The following ARHGEF33 variants were observed in gnomAD, a reference collection of about 807,000 sequenced individuals.
ARHGEF33 encodes the protein DH and coiled-coil domain-containing protein ENSP00000381780.
Under a neutral mutation model 101.9 loss-of-function variants are expected in ARHGEF33, and 72 were observed. The ratio of observed to expected loss-of-function variants is 0.71; its 90% CI spans 0.58 to 0.86. ARHGEF33 has a LOEUF of 0.86. Ranked by LOEUF, ARHGEF33 falls within the 40% of genes least tolerant of loss-of-function variation. The pLI, the probability that ARHGEF33 is intolerant of heterozygous loss-of-function variation, is 0.00. For missense variants in ARHGEF33, 1,169 were observed against 1,111.3 expected, an observed-to-expected ratio of 1.05 and a Z score of -0.74; for synonymous variants, 499 against 442.5, an observed-to-expected ratio of 1.13 and a Z score of -1.60.
At position 38,936,019 on chromosome 2, in the gene ARHGEF33, G is replaced by A. The variant is rs75789495; in HGVS notation, c.565+185G>A. 8.9e-3 allele frequency among the ~76,000 whole-genome samples: 1,356 copies of A among 152,310 alleles called. 20 individuals carry two copies. The highest frequency in any genetic ancestry group is 0.031 in the African/African-American group (1,300 of 41,560). ...CAGGTCAGTGACTCATTTGAACCAA[G>A]GAGAGAGAAGGGCTAGGGAAGCTTA... On this transcript the variant is annotated intron_variant, in intron 8 of 17. Coordinates refer to ENST00000409978, the MANE Select transcript of ARHGEF33 (RefSeq NM_001145451.5).
intron 2 of ARHGEF33, among the ~76,000 whole-genome samples, chr2:38,899,743 G>A (rs1425300776): frequency 6.6e-6 from 1 of 152,062 alleles, no homozygotes. Flanking sequence ...TAAGGTGACA[G>A]GTAGGCTAAT....
intron 2 of ARHGEF33, among the ~76,000 whole-genome samples, chr2:38,899,362 A>T (rs964319756): frequency 5.3e-5 from 8 of 152,224 alleles, no homozygotes; most frequent in African/African-American, 1.9e-4. Context: ...TAAAATTGCT[A>T]CTATAAGGAG....
chr2:38,961,640 C>G (rs1435192802), intron 16 of ARHGEF33, among the ~76,000 whole-genome samples: 1 of 152,124 alleles, frequency 6.6e-6, no homozygotes, highest in African/African-American at 2.4e-5. Flanking sequence ...GAGTTCTTGT[C>G]TTGTACCAGG....
At chr2:38,914,190 C>G (rs1255489584) in intron 2 of ARHGEF33, among the ~76,000 whole-genome samples, 1 of 152,118 alleles carries the variant, frequency 6.6e-6, no homozygotes, top group Non-Finnish European at 1.5e-5. Flanking sequence ...TGGAAAGCAG[C>G]CTAGCCACAT....
chr2:38,942,900 T>A (rs117829198), intron 9 of ARHGEF33, among the ~76,000 whole-genome samples: 1 of 152,198 alleles, frequency 6.6e-6, no homozygotes, highest in Non-Finnish European at 1.5e-5. Context: ...GACAGGCTAA[T>A]CAGATGGCAA....
At chr2:38,957,902 A>T in intron 14 of ARHGEF33, 132 bp from the exon 15 acceptor site, 1 of 1,101,798 alleles carries the variant, frequency 9.1e-7, no homozygotes, top group South Asian at 1.6e-5. Context: ...TAGTTTGCAA[A>T]GGCCCCTGGA....
intron 2 of ARHGEF33, among the ~76,000 whole-genome samples, chr2:38,909,509 T>A (rs1207927051): frequency 6.7e-6 from 1 of 149,814 alleles, no homozygotes; most frequent in Non-Finnish European, 1.5e-5. Flanking sequence ...TTTTTTTTTT[T>A]TGTATTTTTT....
At position 38,960,450 on chromosome 2, in the gene ARHGEF33, G is replaced by T. The variant is rs150537996; in HGVS notation, c.2145G>T (p.Ala715=). The change falls in exon 16 of 18, where the codon GCG becomes GCT. Residue 715 remains alanine, a synonymous_variant. Transcript: ENST00000409978. ...GCTCTCTCAAAGAGTTCCCGCGTGC[G>T]CCGCCAGCCGACGGCGTGGCCCCAC... ...LSRSLKEFPR[A]PPADGVAPRL... The T allele has an allele frequency of 4.0e-6, 6 of 1,494,044 alleles. No homozygotes were observed. In the South Asian group the frequency reaches 5.1e-5, roughly 13 times the overall value. The allele number at this position is 1,494,044 out of a possible 1,614,324, so 92.5% of individuals were successfully genotyped here. A position where few individuals can be genotyped will look rare whatever the true frequency, so the allele number is the denominator to read the frequency against.
intron 10 of ARHGEF33, among the ~76,000 whole-genome samples, chr2:38,944,844 G>A (rs1667400471): frequency 6.7e-6 from 1 of 150,368 alleles, no homozygotes; most frequent in Admixed American, 6.7e-5. Context: ...TATTATTCAT[G>A]TGGGTGATCT....
chr2:38,899,861 A>T (rs1462951845), intron 2 of ARHGEF33, among the ~76,000 whole-genome samples: 2 of 152,188 alleles, frequency 1.3e-5, no homozygotes, highest in Non-Finnish European at 2.9e-5. Flanking sequence ...AATTAAAAAA[A>T]GAATCATTAC....
chr2:38,946,991 C>T (rs1332185774), intron 10 of ARHGEF33, among the ~76,000 whole-genome samples: 1 of 152,158 alleles, frequency 6.6e-6, no homozygotes, highest in Non-Finnish European at 1.5e-5. Context: ...TTCCTTTTCT[C>T]TATCGGCATT....
At chr2:38,924,612 T>A (rs1460717609) in intron 4 of ARHGEF33, among the ~76,000 whole-genome samples, 1 of 152,180 alleles carries the variant, frequency 6.6e-6, no homozygotes, top group Non-Finnish European at 1.5e-5. Flanking sequence ...GTATTTCTAT[T>A]GTTTTATGTA....
At chr2:38,972,949 T>C (rs1668198429) in intron 17 of ARHGEF33, 2 of 152,344 alleles carry the variant, frequency 1.3e-5, no homozygotes, top group South Asian at 4.1e-4. Context: ...GAGTTTAAGC[T>C]AGCCAAAGGG....
chr2:38,963,758 A>G (rs1300654428), intron 16 of ARHGEF33, among the ~76,000 whole-genome samples: 1 of 152,086 alleles, frequency 6.6e-6, no homozygotes. Context: ...CCCCAGACCT[A>G]CTGAATCAGA....
At chr2:38,931,428 CAGTTTT>C in intron 7 of ARHGEF33, 177 bp downstream of exon 7, 1 of 532,282 alleles carries the variant, frequency 1.9e-6, no homozygotes. Flanking sequence ...CAAGAGTGCC[CAGTTTT>C]AAATATTTTT....
intron 16 of ARHGEF33, among the ~76,000 whole-genome samples, chr2:38,962,175 T>A (rs1278067107): frequency 6.6e-6 from 1 of 152,198 alleles, no homozygotes; most frequent in East Asian, 1.9e-4. Context: ...TAGGCAGAAT[T>A]TCTTGGAGAA....
At chr2:38,967,493 T>C (rs1668073997) in intron 17 of ARHGEF33, among the ~76,000 whole-genome samples, 1 of 152,242 alleles carries the variant, frequency 6.6e-6, no homozygotes, top group Non-Finnish European at 1.5e-5. Context: ...CTTAGATCTT[T>C]CTTGACCCAG....
At chr2:38,923,890 CA>C (rs1572750391) in intron 4 of ARHGEF33, among the ~76,000 whole-genome samples, 2 of 152,056 alleles carry the variant, frequency 1.3e-5, no homozygotes, top group East Asian at 3.8e-4. Context: ...ATTTTGTCTC[CA>C]AATGTGAAAT....
At chr2:38,950,736 G>C (rs533315660) in intron 10 of ARHGEF33, among the ~76,000 whole-genome samples, 1 of 152,158 alleles carries the variant, frequency 6.6e-6, no homozygotes, top group African/African-American at 2.4e-5. Context: ...GGCATGCCAG[G>C]CCTCTTTATT....
Sources: gnomAD v4.1 joint callset for allele counts (sites outside exome capture counted in the v4.1 genomes callset) on GRCh38, gnomAD v4.1.1 for gene constraint, MANE v1.5 for transcripts, NCBI Gene and HGNC (gene_info 2026-07-23, HGNC 2026-07-21) for gene names.